The following PPM1H variants were observed in gnomAD, a reference collection of about 807,000 sequenced individuals.
PPM1H encodes protein phosphatase 1H.
A neutral mutation model predicts 54.9 loss-of-function variants in PPM1H; 27 were observed. The ratio of observed to expected loss-of-function variants is 0.49; its 90% CI spans 0.36 to 0.68. The LOEUF (loss-of-function observed/expected upper bound fraction) is 0.68, where lower values mean the gene tolerates loss of function less well. Ranked by LOEUF, PPM1H falls within the 30% of genes least tolerant of loss-of-function variation. PPM1H has a pLI of 0.00. For synonymous variants in PPM1H, 305 were observed against 270.8 expected (o/e 1.13, Z -1.24); for missense variants, 596 against 667.8 (o/e 0.89, Z 1.19).
At chr12:62,690,799 C>T (rs565803861) in intron 7 of PPM1H, among the ~76,000 whole-genome samples, 12 of 152,158 alleles carry the variant, frequency 7.9e-5, no homozygotes, top group African/African-American at 2.9e-4. Context: ...TGGTGAAACC[C>T]CATCTCTACG....
At position 62,803,949 on chromosome 12, in the gene PPM1H, G is replaced by C. The variant is rs534651318; in HGVS notation, c.412-1789C>G. 2.0e-5 allele frequency among the ~76,000 whole-genome samples: 3 copies of C among 152,282 alleles called. No individual in the cohort carries two copies. The South Asian group carries it at 6.2e-4, about 32-fold the overall frequency. On this transcript the variant is annotated intron_variant, in intron 2 of 9. Transcript: ENST00000228705. ...ATGACATAAAATAAATGGCCAGCAG[G>C]CTTGTGAAAAGATGCTCACCATCGA...
At chr12:62,704,317 C>A (rs997770783) in intron 6 of PPM1H, among the ~76,000 whole-genome samples, 3 of 152,080 alleles carry the variant, frequency 2.0e-5, no homozygotes, top group African/African-American at 7.2e-5. Flanking sequence ...TGGAGATGGA[C>A]CCAACATCTC....
chr12:62,737,647 A>C, intron 4 of PPM1H, 61 bp from the exon 5 acceptor site: 2 of 1,224,268 alleles, frequency 1.6e-6, no homozygotes, highest in Non-Finnish European at 2.3e-6. Context: ...TTCTGTTACA[A>C]CCATTGCTTG....
chr12:62,704,704 A>G (rs1446458186), intron 6 of PPM1H, among the ~76,000 whole-genome samples: 1 of 152,212 alleles, frequency 6.6e-6, no homozygotes, highest in Non-Finnish European at 1.5e-5. Flanking sequence ...TAGCTTGTGC[A>G]TACCTGGCTA....
intron 1 of PPM1H, among the ~76,000 whole-genome samples, chr12:62,903,344 A>G (rs1871214038): frequency 6.6e-6 from 1 of 152,220 alleles, no homozygotes; most frequent in Non-Finnish European, 1.5e-5. Context: ...GAGCTTGGCT[A>G]AAGACAAAGC....
chr12:62,916,111 C>T (rs1024249155), intron 1 of PPM1H, among the ~76,000 whole-genome samples: 1 of 152,196 alleles, frequency 6.6e-6, no homozygotes. Context: ...ACAATGTCTC[C>T]CCTGCTAACT....
intron 1 of PPM1H, among the ~76,000 whole-genome samples, chr12:62,901,511 G>C: frequency 6.6e-6 from 1 of 152,198 alleles, no homozygotes; most frequent in East Asian, 1.9e-4. Context: ...TTTGTGCTGA[G>C]GGGGACTGTC....
chr12:62,813,072 G>C (rs774985107), intron 2 of PPM1H, among the ~76,000 whole-genome samples: 9 of 151,818 alleles, frequency 5.9e-5, no homozygotes, highest in Non-Finnish European at 1.2e-4. Flanking sequence ...GTGGTTGTGA[G>C]GTACCCATCC....
intron 1 of PPM1H, among the ~76,000 whole-genome samples, chr12:62,908,104 T>C (rs1008084099): frequency 3.3e-5 from 5 of 152,202 alleles, no homozygotes; most frequent in African/African-American, 9.7e-5. Context: ...CGTGCATGCA[T>C]GACAGGTCAT....
intron 1 of PPM1H, among the ~76,000 whole-genome samples, chr12:62,925,162 TAATTA>T (rs1213490601): frequency 3.9e-5 from 6 of 152,158 alleles, no homozygotes; most frequent in Admixed American, 3.9e-4. Flanking sequence ...TATCTTAGAC[TAATTA>T]AAAAAGGGGA....
rs1162141190 is a variant in PPM1H at position 62,934,458 on chromosome 12, A to G, written c.245+34T>C. 5 of 1,510,968 alleles carry G rather than the reference A, an allele frequency of 3.3e-6. No individual in the cohort carries two copies. In the South Asian group the frequency reaches 5.1e-5, roughly 15 times the overall value. The allele number at this position is 1,510,968 out of a possible 1,614,324, so 93.6% of individuals were successfully genotyped here. ...AACCGTGCGGGGAAGGGCCGCGAGG[A>G]GAGCAGGGGCGCCGCCGGTGTCGCT... On this transcript the variant is annotated intron_variant, in intron 1 of 9. Transcript: ENST00000228705. This position sits in a 1 kb window ranked among gnomAD's most constrained non-coding sequence, Gnocchi z 4.2.
At chr12:62,756,581 T>C (rs754175777) in intron 4 of PPM1H, among the ~76,000 whole-genome samples, 7 of 152,108 alleles carry the variant, frequency 4.6e-5, no homozygotes, top group African/African-American at 7.2e-5. Flanking sequence ...AGGAGAGTCA[T>C]CATCTACAAA....
intron 6 of PPM1H, among the ~76,000 whole-genome samples, chr12:62,714,627 C>T (rs995346434): frequency 2.6e-5 from 4 of 152,034 alleles, no homozygotes; most frequent in Non-Finnish European, 5.9e-5. Flanking sequence ...GAGACCTAGG[C>T]CAGGATCTGC....
At chr12:62,720,097 C>T (rs2076255219) in intron 6 of PPM1H, 74 bp downstream of exon 6, 2 of 1,290,396 alleles carry the variant, frequency 1.5e-6, no homozygotes, top group African/African-American at 2.9e-5. Context: ...AACTGTGTAA[C>T]TGGCTGTTTA....
chr12:62,734,562 T>C (rs1415533121), intron 5 of PPM1H, among the ~76,000 whole-genome samples: 1 of 152,212 alleles, frequency 6.6e-6, no homozygotes, highest in African/African-American at 2.4e-5. Context: ...AATATACCGC[T>C]GACATTTGGG....
chr12:62,867,564 A>ACT (rs1869822125), intron 1 of PPM1H, among the ~76,000 whole-genome samples: 1 of 55,340 alleles, frequency 1.8e-5, no homozygotes, highest in South Asian at 9.1e-4. Flanking sequence ...TATGAGCACT[A>ACT]TTTTTTTTTT....
At chr12:62,782,827 T>C (rs1001185155) in intron 4 of PPM1H, among the ~76,000 whole-genome samples, 1 of 152,224 alleles carries the variant, frequency 6.6e-6, no homozygotes, top group Admixed American at 6.5e-5. Context: ...ACAACATTTA[T>C]TTTTAATTTT....
At chr12:62,674,609 G>A (rs1460100574) in intron 8 of PPM1H, among the ~76,000 whole-genome samples, 1 of 152,114 alleles carries the variant, frequency 6.6e-6, no homozygotes, top group Non-Finnish European at 1.5e-5. Context: ...GAATTTGGAG[G>A]CAGAAGACTT....
intron 1 of PPM1H, among the ~76,000 whole-genome samples, chr12:62,851,291 T>C (rs1869177619): frequency 6.6e-6 from 1 of 152,196 alleles, no homozygotes; most frequent in South Asian, 2.1e-4. Flanking sequence ...CAGGAGTATG[T>C]TTGAAGGGGC....
Sources: allele counts gnomAD v4.1 joint callset (sites outside exome capture counted in the v4.1 genomes callset), GRCh38; gene constraint gnomAD v4.1.1; non-coding constraint Gnocchi (gnomAD v3.1); transcripts MANE v1.5; gene names NCBI Gene and HGNC (gene_info 2026-07-23, HGNC 2026-07-21).